DNAI7: variants seen among roughly 807,000 people sequenced by gnomAD.
DNAI7 encodes the protein dynein axonemal intermediate chain 7.
Under a neutral mutation model 86.6 loss-of-function variants are expected in DNAI7, and 78 were observed. That is an observed-to-expected ratio of 0.90 (90% confidence interval 0.75 to 1.09). The LOEUF (loss-of-function observed/expected upper bound fraction) is 1.09, where lower values mean the gene tolerates loss of function less well. Among genes scored for constraint, DNAI7 ranks in the 50% least tolerant of loss-of-function variants. The probability of loss-of-function intolerance (pLI) is 0.00; values close to 1 mark genes in which losing one functional copy is unlikely to be tolerated. For synonymous variants in DNAI7, 274 were observed against 273.0 expected (o/e 1.00, Z -0.04); for missense variants, 753 against 810.2 (o/e 0.93, Z 0.86).
At chr12:25,145,104 T>C (rs1054282797) in intron 8 of DNAI7, among the ~76,000 whole-genome samples, 4 of 152,216 alleles carry the variant, frequency 2.6e-5, no homozygotes, top group Admixed American at 6.5e-5. Context: ...GGTAGGAGTA[T>C]GATGCATCTC....
intron 13 of DNAI7, among the ~76,000 whole-genome samples, chr12:25,112,754 A>G (rs1486817106): frequency 6.6e-6 from 1 of 152,162 alleles, no homozygotes; most frequent in African/African-American, 2.4e-5. Flanking sequence ...CATTTAACCC[A>G]ATATATCTAA....
chr12:25,176,261 T>C (rs958750530), intron 2 of DNAI7, among the ~76,000 whole-genome samples: 1 of 152,152 alleles, frequency 6.6e-6, no homozygotes, highest in African/African-American at 2.4e-5. Context: ...CTTTTGTTGA[T>C]CCTTTTATAT....
intron 5 of DNAI7, 41 bp downstream of exon 5, chr12:25,155,269 TG>T: frequency 9.4e-7 from 1 of 1,067,396 alleles, no homozygotes; most frequent in Non-Finnish European, 1.4e-6. Flanking sequence ...CTCCCTCTTG[TG>T]GTGACAAAGG....
At chr12:25,194,901 A>AGGTAAGGCT (rs758230198) in intron 1 of DNAI7, 175 bp downstream of exon 1, 1 of 1,614,138 alleles carries the variant, frequency 6.2e-7, no homozygotes, top group Admixed American at 1.7e-5. Context: ...CGCCTGGTCC[A>AGGTAAGGCT]GGTAAGGAAA....
chr12:25,137,412 A>G (rs1055577414), intron 9 of DNAI7, among the ~76,000 whole-genome samples: 1 of 152,194 alleles, frequency 6.6e-6, no homozygotes, highest in Non-Finnish European at 1.5e-5. Context: ...CTCAAAATAT[A>G]CCAAAACAGA....
chr12:25,162,773 C>T (rs1946978715), intron 2 of DNAI7, among the ~76,000 whole-genome samples: 1 of 152,208 alleles, frequency 6.6e-6, no homozygotes, highest in South Asian at 2.1e-4. Flanking sequence ...TTCCTCTATC[C>T]TCCTCTTCCT....
rs1215630598 is a variant in DNAI7, at chr12:25,108,546, G to C, written c.*2C>G. ...ACTTACAATACAGTTTGTAAGTGGA[G>C]GTTAGGAGTAGCTGAGCAATCTGGT... is the stretch of plus-strand genomic sequence containing the variant. On this transcript the variant is annotated 3_prime_UTR_variant, in exon 16 of 16. Transcript: ENST00000395987. The C allele has an allele frequency of 1.2e-6, 2 of 1,610,692 alleles. No individual in the cohort carries two copies. Among genetic ancestry groups the C allele is most frequent in the East Asian group, 2.2e-5 (1 of 44,796 alleles).
chr12:25,187,311 C>T (rs756318487), intron 2 of DNAI7, among the ~76,000 whole-genome samples: 2 of 152,224 alleles, frequency 1.3e-5, no homozygotes, highest in Non-Finnish European at 2.9e-5. Context: ...TACTAACCTA[C>T]TCCCTTGCTT....
chr12:25,111,017 G>T (rs4963848), intron 14 of DNAI7, among the ~76,000 whole-genome samples: 59,233 of 151,654 alleles, frequency 0.39, 13,787 homozygotes, highest in East Asian at 0.77. Context: ...AAAACCAAGG[G>T]TTTTTTTCCT....
At chr12:25,131,306 TAA>T (rs1942896721) in intron 9 of DNAI7, among the ~76,000 whole-genome samples, 1 of 152,204 alleles carries the variant, frequency 6.6e-6, no homozygotes, top group African/African-American at 2.4e-5. Context: ...TATGGCAGTT[TAA>T]AACATTTAGA....
intron 2 of DNAI7, among the ~76,000 whole-genome samples, chr12:25,185,413 A>T (rs923151229): frequency 2.0e-5 from 3 of 152,232 alleles, no homozygotes; most frequent in Non-Finnish European, 4.4e-5. Context: ...TTATCATATC[A>T]CTTTCACCAA....
intron 6 of DNAI7, 84 bp downstream of exon 6, chr12:25,154,235 G>T: frequency 9.0e-7 from 1 of 1,114,496 alleles, no homozygotes; most frequent in Non-Finnish European, 1.3e-6. Context: ...TTATTACTTG[G>T]CAAATGATAT....
Position 25,154,415 on chromosome 12 carries a change from T to C in DNAI7, c.342A>G (p.Ser114=), listed in dbSNP as rs1046946061. The change falls in exon 6 of 16, where the codon TCA becomes TCG. Residue 114 remains serine (S), a synonymous_variant. Coordinates refer to ENST00000395987, the MANE Select transcript of DNAI7 (RefSeq NM_018272.5). ...TAAACGTGTTCATTTCTTGGGCTAC[T>C]GAAGGATCAGGACTCCCATCACATT... The part of the protein sequence containing the change: ...YIQCDGSPDP[S]VAQEMNTFIS... 3.7e-6 allele frequency: 6 copies of C among 1,611,512 alleles called. No homozygotes were observed. Among genetic ancestry groups the C allele is most frequent in the Non-Finnish European group, 5.1e-6 (6 of 1,179,340 alleles).
rs1375269406 is a variant in DNAI7, at chr12:25,121,837, G to A, written c.1155C>T (p.Phe385=). 1 of 1,605,392 alleles carries A rather than the reference G, an allele frequency of 6.2e-7. No individual in the cohort carries two copies. The highest frequency in any genetic ancestry group is 8.5e-7 in the Non-Finnish European group (1 of 1,177,400). ...FEDNVVDLCQ[F]TTLGGVYHLD... is the part of the protein sequence containing the mutation. Reference sequence around the variant, plus strand: ...AGTGGTATACTCCACCCAGAGTTGTGAACTGGCATAAATCCACCACATTGT... The same window carrying A: ...AGTGGTATACTCCACCCAGAGTTGTAAACTGGCATAAATCCACCACATTGT... The change falls in exon 11 of 16, where the codon TTC becomes TTT. Residue 385 remains phenylalanine, a synonymous_variant. Coordinates refer to ENST00000395987, the MANE Select transcript of DNAI7 (RefSeq NM_018272.5).
At chr12:25,138,958 A>G (rs557975995) in intron 9 of DNAI7, among the ~76,000 whole-genome samples, 1 of 152,238 alleles carries the variant, frequency 6.6e-6, no homozygotes, top group East Asian at 1.9e-4. Flanking sequence ...ACAGACCATT[A>G]GCGAGATTAA....
chr12:25,142,997 T>C (rs766495855), intron 9 of DNAI7, among the ~76,000 whole-genome samples: 3 of 152,150 alleles, frequency 2.0e-5, no homozygotes, highest in Non-Finnish European at 4.4e-5. Context: ...ATCTGAGAGT[T>C]CACATGAAAT....
In DNAI7 at chr12:25,123,290, T is replaced by C. The variant is rs750527807; in HGVS notation, c.1003-4A>G. 5.6e-6 allele frequency: 9 copies of C among 1,598,644 alleles called. No homozygotes were observed. The highest frequency in any genetic ancestry group is 1.3e-5 in the African/African-American group (1 of 74,512). On this transcript the variant is annotated splice_region_variant and splice_polypyrimidine_tract_variant and intron_variant, in intron 9 of 15. Coordinates refer to ENST00000395987, the MANE Select transcript of DNAI7 (RefSeq NM_018272.5). ...CAGATTCTTCCTCAGCAGAACTCTATAAAAAACCACAGACATATGGGTGTG... is the reference window on the plus strand; with the variant it reads ...CAGATTCTTCCTCAGCAGAACTCTACAAAAAACCACAGACATATGGGTGTG...
chr12:25,123,977 A>T (rs999240376), intron 9 of DNAI7, among the ~76,000 whole-genome samples: 1 of 151,910 alleles, frequency 6.6e-6, no homozygotes, highest in African/African-American at 2.4e-5. Context: ...ATGGAAATAA[A>T]AGAACTTTGG....
At chr12:25,123,766 TTA>T (rs1481140615) in intron 9 of DNAI7, among the ~76,000 whole-genome samples, 1 of 152,068 alleles carries the variant, frequency 6.6e-6, no homozygotes, top group Non-Finnish European at 1.5e-5. Context: ...AATCTAGACT[TTA>T]TGTCTAAATC....
Sources: gnomAD v4.1 joint callset for allele counts (sites outside exome capture counted in the v4.1 genomes callset) on GRCh38, gnomAD v4.1.1 for gene constraint, MANE v1.5 for transcripts, NCBI Gene and HGNC (gene_info 2026-07-23, HGNC 2026-07-21) for gene names.